TAOK1: variants seen among roughly 807,000 people sequenced by gnomAD.
TAOK1 encodes the protein serine/threonine-protein kinase TAO1.
In TAOK1, 21 loss-of-function variants were observed where a neutral mutation model predicts 138.3. The ratio of observed to expected loss-of-function variants is 0.15; its 90% CI spans 0.11 to 0.22. TAOK1 has a LOEUF of 0.22. Ranked by LOEUF, TAOK1 falls within the 10% of genes least tolerant of loss-of-function variation. The probability of loss-of-function intolerance (pLI) is 1.00; values close to 1 mark genes in which losing one functional copy is unlikely to be tolerated. For missense variants in TAOK1, 651 were observed against 1,227.7 expected, an observed-to-expected ratio of 0.53 and a Z score of 7.02; for synonymous variants, 361 against 398.4, an observed-to-expected ratio of 0.91 and a Z score of 1.12.
chr17:29,413,296 C>A (rs1905188648), intron 1 of TAOK1, among the ~76,000 whole-genome samples: 1 of 152,110 alleles, frequency 6.6e-6, no homozygotes, highest in Non-Finnish European at 1.5e-5. Flanking sequence ...ATGCACATAA[C>A]ATAAAATTAA....
intron 3 of TAOK1, among the ~76,000 whole-genome samples, chr17:29,471,295 T>C (rs2030811872): frequency 7.2e-6 from 1 of 139,598 alleles, no homozygotes; most frequent in Non-Finnish European, 1.6e-5. Context: ...TTTTTTTTTT[T>C]TTTGAGATGA....
rs913267005 is a variant in TAOK1 at position 29,435,289 on chromosome 17, T to G, written c.-94-16166T>G. ...AAAAACAACCAATGAGTTCAGAATT[T>G]AATGACAAATGTATGGTAAATTTTG... On this transcript the variant is annotated intron_variant, in intron 1 of 19. Coordinates refer to ENST00000261716, the MANE Select transcript of TAOK1 (RefSeq NM_020791.4). 2.8e-4 allele frequency among the ~76,000 whole-genome samples: 42 copies of G among 152,328 alleles called. 1 individual carries two copies. Among genetic ancestry groups the G allele is most frequent in the African/African-American group, 9.9e-4 (41 of 41,584 alleles).
intron 1 of TAOK1, among the ~76,000 whole-genome samples, chr17:29,447,528 G>A (rs1256052163): frequency 6.6e-6 from 1 of 151,658 alleles, no homozygotes; most frequent in South Asian, 2.1e-4. Flanking sequence ...ACAGGGTTTC[G>A]CCATGTTGGT....
At chr17:29,437,734 CTTT>C (rs11447325) in intron 1 of TAOK1, among the ~76,000 whole-genome samples, 2 of 124,228 alleles carry the variant, frequency 1.6e-5, no homozygotes. Flanking sequence ...TTATATTCTT[CTTT>C]TTTTTTTTTT....
At chr17:29,489,877 A>C (rs1293274049) in intron 9 of TAOK1, 120 bp downstream of exon 9, 1 of 555,844 alleles carries the variant, frequency 1.8e-6, no homozygotes, top group Non-Finnish European at 2.9e-6. Context: ...AAGATATTAA[A>C]ATAGATGTAT....
chr17:29,469,325 A>AAC (rs3058620), intron 3 of TAOK1, among the ~76,000 whole-genome samples: 95,864 of 151,690 alleles, frequency 0.63, 31,747 homozygotes, highest in East Asian at 0.97. Flanking sequence ...ATTGTGGTAA[A>AAC]ATACAACATA....
At chr17:29,450,824 CA>C (rs1264394991) in intron 1 of TAOK1, among the ~76,000 whole-genome samples, 1 of 152,076 alleles carries the variant, frequency 6.6e-6, no homozygotes, top group African/African-American at 2.4e-5. Flanking sequence ...CTATGACAGC[CA>C]GTATTAAAAC....
At chr17:29,520,213 A>G (rs1231356446) in intron 16 of TAOK1, among the ~76,000 whole-genome samples, 2 of 151,962 alleles carry the variant, frequency 1.3e-5, no homozygotes, top group African/African-American at 4.8e-5. Flanking sequence ...AAACATGGAA[A>G]CAGCTTAAAT....
In TAOK1 at chr17:29,547,799, C is replaced by T. The variant is rs377286027; in HGVS notation, c.*4777C>T. ...CATTGCCTTTTAAAAGAGACTCACT[C>T]ACTCTTAGTTTTTAAGAACTGGAAA... is the stretch of plus-strand genomic sequence containing the variant. On this transcript the variant is annotated 3_prime_UTR_variant, in exon 20 of 20. Transcript: ENST00000261716. 6.6e-6 allele frequency: 1 copy of T among 152,106 alleles called. No individual in the cohort carries two copies. The highest frequency in any genetic ancestry group is 2.1e-4 in the South Asian group (1 of 4,828). The allele number at this position is 152,106 out of a possible 1,614,324, so 9.4% of individuals were successfully genotyped here. A position where few individuals can be genotyped will look rare whatever the true frequency, so the allele number is the denominator to read the frequency against.
chr17:29,446,419 T>G (rs2030079552), intron 1 of TAOK1, among the ~76,000 whole-genome samples: 1 of 152,152 alleles, frequency 6.6e-6, no homozygotes, highest in South Asian at 2.1e-4. Flanking sequence ...TTTTTTGTGT[T>G]TTTAGTAGAG....
rs187929952 is a variant in TAOK1 at position 29,493,900 on chromosome 17, T to A, written c.832-1660T>A. Among the ~76,000 whole-genome samples the A allele has an allele frequency of 5.9e-5, 9 of 152,198 alleles. No homozygotes were observed. In the East Asian group the frequency reaches 1.7e-3, roughly 29 times the overall value. On this transcript the variant is annotated intron_variant, in intron 10 of 19. Coordinates refer to ENST00000261716, the MANE Select transcript of TAOK1 (RefSeq NM_020791.4). ...ATTCTACAGGCATTATGTTTATGAG[T>A]TTGAAATAATAATAATTATTTTTTT... is the stretch of plus-strand genomic sequence containing the variant.
At chr17:29,540,550 G>A (rs954675814) in intron 19 of TAOK1, among the ~76,000 whole-genome samples, 4 of 151,090 alleles carry the variant, frequency 2.6e-5, no homozygotes, top group African/African-American at 9.7e-5. Flanking sequence ...TTTGTTTTTG[G>A]GTTGTTTGTT....
intron 15 of TAOK1, among the ~76,000 whole-genome samples, chr17:29,516,183 G>T (rs1025934962): frequency 6.6e-6 from 1 of 151,770 alleles, no homozygotes; most frequent in Admixed American, 6.6e-5. Flanking sequence ...CTGGTCTTGC[G>T]CTCCCAACCT....
intron 1 of TAOK1, among the ~76,000 whole-genome samples, chr17:29,424,474 G>A (rs928245186): frequency 6.6e-5 from 10 of 150,420 alleles, no homozygotes; most frequent in African/African-American, 1.7e-4. Context: ...ATAGAGACAC[G>A]GTAACATTTG....
Position 29,487,246 on chromosome 17 carries a change from C to CAAA in TAOK1, c.656-2391_656-2389dup, listed in dbSNP as rs71138823. Among the ~76,000 whole-genome samples, 24 of 90,276 alleles carry CAAA rather than the reference C, an allele frequency of 2.7e-4. 1 individual carries two copies. Among genetic ancestry groups the CAAA allele is most frequent in the African/African-American group, 1.1e-3 (22 of 19,806 alleles). 59.2% of individuals were successfully genotyped at this position (90,276 alleles called of 152,430 possible). On this transcript the variant is annotated intron_variant, in intron 8 of 19. Coordinates refer to ENST00000261716, the MANE Select transcript of TAOK1 (RefSeq NM_020791.4). Reference sequence around the variant, plus strand: ...GGGCAACAGAGCGAGACTGTGTCTCCAAAAAAAAAAAAAAAAAAAAAAAAA... The same window carrying CAAA: ...GGGCAACAGAGCGAGACTGTGTCTCCAAAAAAAAAAAAAAAAAAAAAAAAAAAA...
chr17:29,501,740 A>G (rs1433026806), intron 12 of TAOK1, among the ~76,000 whole-genome samples: 1 of 152,176 alleles, frequency 6.6e-6, no homozygotes, highest in Admixed American at 6.5e-5. Flanking sequence ...TCGGTAGGAT[A>G]TAAATCTAGT....
intron 1 of TAOK1, among the ~76,000 whole-genome samples, chr17:29,392,031 A>G (rs1474872728): frequency 6.6e-6 from 1 of 152,152 alleles, no homozygotes; most frequent in African/African-American, 2.4e-5. Context: ...CCTGGCTAAC[A>G]CGGTGAAACC....
intron 3 of TAOK1, among the ~76,000 whole-genome samples, chr17:29,472,432 T>A (rs868418102): frequency 2.0e-5 from 3 of 152,072 alleles, no homozygotes; most frequent in African/African-American, 4.8e-5. Context: ...TTTGTATTAT[T>A]AGTAGAGACA....
At chr17:29,403,193 G>T (rs1258397011) in intron 1 of TAOK1, among the ~76,000 whole-genome samples, 1 of 148,014 alleles carries the variant, frequency 6.8e-6, no homozygotes, top group African/African-American at 2.5e-5. Context: ...AAATCAGTGT[G>T]CTGCAATGTG....
Sources: allele counts gnomAD v4.1 joint callset (sites outside exome capture counted in the v4.1 genomes callset), GRCh38; gene constraint gnomAD v4.1.1; transcripts MANE v1.5; gene names NCBI Gene and HGNC (gene_info 2026-07-23, HGNC 2026-07-21).